The following AK7 variants were observed in gnomAD, a reference collection of about 807,000 sequenced individuals.
AK7 encodes the protein ATP-AMP transphosphorylase 7.
Under a neutral mutation model 96.6 loss-of-function variants are expected in AK7, and 78 were observed. The ratio of observed to expected loss-of-function variants is 0.81; its 90% CI spans 0.67 to 0.97. The LOEUF (loss-of-function observed/expected upper bound fraction) is 0.97, where lower values mean the gene tolerates loss of function less well. AK7 is among the 50% of genes least tolerant of loss of function. The probability of loss-of-function intolerance (pLI) is 0.00; values close to 1 mark genes in which losing one functional copy is unlikely to be tolerated. For synonymous variants in AK7, 302 were observed against 317.2 expected (o/e 0.95, Z 0.51); for missense variants, 855 against 887.9 (o/e 0.96, Z 0.47).
chr14:96,395,032 A>G (rs1287252898), intron 1 of AK7, among the ~76,000 whole-genome samples: 2 of 152,092 alleles, frequency 1.3e-5, no homozygotes, highest in Non-Finnish European at 2.9e-5. Flanking sequence ...ACTCTTATTT[A>G]TTTATGTATG....
At chr14:96,446,665 G>A (rs1436214894) in intron 8 of AK7, 58 bp downstream of exon 8, 2 of 1,511,358 alleles carry the variant, frequency 1.3e-6, no homozygotes, top group Non-Finnish European at 1.8e-6. Context: ...TGCTGGCTGG[G>A]CGCGGTGGCT....
intron 5 of AK7, among the ~76,000 whole-genome samples, chr14:96,428,025 A>G (rs774709734): frequency 5.3e-5 from 8 of 152,102 alleles, no homozygotes; most frequent in African/African-American, 1.9e-4. Context: ...CAGGTTTGTT[A>G]CATATGTATA....
At chr14:96,442,931 G>A in intron 7 of AK7, 113 bp downstream of exon 7, 1 of 955,348 alleles carries the variant, frequency 1.0e-6, no homozygotes, top group East Asian at 2.4e-5. Context: ...GGATTATTGT[G>A]TTCATTCTTC....
intron 6 of AK7, among the ~76,000 whole-genome samples, chr14:96,440,897 C>T (rs944210311): frequency 6.6e-6 from 1 of 152,000 alleles, no homozygotes; most frequent in Non-Finnish European, 1.5e-5. Context: ...GTGGCTGATG[C>T]CTATAATCCC....
chr14:96,421,038 C>A, intron 5 of AK7, 106 bp downstream of exon 5: 1 of 731,714 alleles, frequency 1.4e-6, no homozygotes. Context: ...TAGGCTCACC[C>A]CAGGATACAC....
intron 10 of AK7, among the ~76,000 whole-genome samples, chr14:96,455,872 G>A (rs1161236207): frequency 6.6e-6 from 1 of 152,102 alleles, no homozygotes; most frequent in Non-Finnish European, 1.5e-5. Flanking sequence ...TGGTGGTGGG[G>A]GTAGAGGCGT....
intron 4 of AK7, among the ~76,000 whole-genome samples, chr14:96,409,349 A>G (rs1293417210): frequency 6.6e-6 from 1 of 152,192 alleles, no homozygotes; most frequent in Admixed American, 6.6e-5. Context: ...AGGCGGGTGG[A>G]CCATCTGAGG....
intron 5 of AK7, chr14:96,423,938 C>T (rs1891864386): frequency 9.4e-7 from 1 of 1,061,426 alleles, no homozygotes; most frequent in Admixed American, 1.7e-5. Flanking sequence ...ATGTCACTGC[C>T]CTTCATGTGG....
rs530068908 is a variant in AK7, at chr14:96,403,795, A to G, written c.295-962A>G. On this transcript the variant is annotated intron_variant, in intron 2 of 17. Coordinates refer to ENST00000267584, the MANE Select transcript of AK7 (RefSeq NM_152327.5). The stretch of plus-strand genomic sequence containing the variant: ...ATGGTTCTCTTAATGCACTCAAGGT[A>G]TTGTACTATTGGGAAGTGTACTGGT... Among the ~76,000 whole-genome samples the G allele has an allele frequency of 2.6e-5, 4 of 152,300 alleles. No individual in the cohort carries two copies. The South Asian group carries it at 8.3e-4, about 32-fold the overall frequency.
intron 13 of AK7, among the ~76,000 whole-genome samples, chr14:96,472,393 G>C (rs1234139701): frequency 6.6e-6 from 1 of 152,224 alleles, no homozygotes; most frequent in African/African-American, 2.4e-5. Context: ...GGCTTCAGGT[G>C]ATCCTACTGC....
chr14:96,478,716 G>GTAATT, intron 15 of AK7, 54 bp downstream of exon 15: 1 of 1,569,294 alleles, frequency 6.4e-7, no homozygotes, highest in Non-Finnish European at 8.7e-7. Flanking sequence ...AGCAAAGCTT[G>GTAATT]GTGCAGGTCT....
At chr14:96,439,479 A>ACGGAGAAACCC (rs1438076453) in intron 6 of AK7, among the ~76,000 whole-genome samples, 1 of 142,468 alleles carries the variant, frequency 7.0e-6, no homozygotes, top group African/African-American at 3.1e-5. Flanking sequence ...CCTGGCTAAC[A>ACGGAGAAACCC]CGGAGAAACC....
chr14:96,474,295 G>A (rs1417702622), intron 14 of AK7, among the ~76,000 whole-genome samples: 1 of 152,048 alleles, frequency 6.6e-6, no homozygotes, highest in East Asian at 1.9e-4. Context: ...TCATCCTTGG[G>A]GATGGATATT....
chr14:96,418,271 CTG>C (rs1891460985), intron 4 of AK7, among the ~76,000 whole-genome samples: 3 of 140,486 alleles, frequency 2.1e-5, no homozygotes, highest in African/African-American at 8.1e-5. Context: ...CTGCAGTGCG[CTG>C]TGATTGTGCC....
intron 4 of AK7, among the ~76,000 whole-genome samples, chr14:96,417,825 G>A (rs895681906): frequency 6.6e-6 from 1 of 151,926 alleles, no homozygotes; most frequent in African/African-American, 2.4e-5. Context: ...AATATCACAG[G>A]TACCTCCAGA....
chr14:96,466,599 C>T (rs370313580), intron 12 of AK7, among the ~76,000 whole-genome samples: 1 of 151,668 alleles, frequency 6.6e-6, no homozygotes, highest in East Asian at 1.9e-4. Flanking sequence ...TCTTGAACTC[C>T]TGAGCTCAAG....
chr14:96,463,139 A>AAAAC (rs72136096), intron 12 of AK7, among the ~76,000 whole-genome samples: 13,196 of 151,124 alleles, frequency 0.087, 658 homozygotes, highest in East Asian at 0.13. Flanking sequence ...TCCGCCTCAA[A>AAAAC]AAACAAACAA....
intron 6 of AK7, among the ~76,000 whole-genome samples, chr14:96,438,421 C>T (rs565592303): frequency 1.3e-5 from 2 of 152,164 alleles, no homozygotes; most frequent in East Asian, 1.9e-4. Flanking sequence ...GTCTTTCCAA[C>T]GATGTGACAT....
At chr14:96,453,258 G>A (rs191858495) in intron 10 of AK7, among the ~76,000 whole-genome samples, 47 of 152,320 alleles carry the variant, frequency 3.1e-4, no homozygotes, top group African/African-American at 1.1e-3. Flanking sequence ...TCAGAGGTTA[G>A]ACTAATGTCC....
Sources: allele counts gnomAD v4.1 joint callset (sites outside exome capture counted in the v4.1 genomes callset), GRCh38; gene constraint gnomAD v4.1.1; transcripts MANE v1.5; gene names NCBI Gene and HGNC (gene_info 2026-07-23, HGNC 2026-07-21).